Variants in ABCC4 observed in about 807,000 individuals in gnomAD.
ABCC4 encodes ATP-binding cassette sub-family C member 4.
ABCC4 carries 102 observed loss-of-function variants against 168.5 expected under a neutral mutation model. That is an observed-to-expected ratio of 0.61 (90% CI 0.52 to 0.71). The LOEUF is 0.71. Ranked by LOEUF, ABCC4 falls within the 30% of genes least tolerant of loss-of-function variation. ABCC4 has a pLI of 0.00. For missense variants in ABCC4, 1,402 were observed against 1,605.8 expected, an observed-to-expected ratio of 0.87 and a Z score of 2.17; for synonymous variants, 617 against 590.7, an observed-to-expected ratio of 1.04 and a Z score of -0.65.
In ABCC4 at chr13:95,247,661, A is replaced by C. The variant is rs1254069714; in HGVS notation, c.167T>G (p.Leu56Arg). ...SVLPEDRSQH[L>R]GEELQGFWDK... is the part of the protein sequence containing the mutation. ...GACTTACCCTTGCAACTCCTCTCCA[A>C]GGTGCTGTGAGCGGTCTTCTGGCAG... is the stretch of plus-strand genomic sequence containing the variant. Residue 56 changes from leucine to arginine, a missense_variant, in exon 2 of 31, where the codon CTT (leucine) becomes CGT (arginine). Around this residue, in one of 3 missense-constraint regions of ABCC4, gnomAD observed 317 missense variants for 345.5 expected, o/e 0.92. Coordinates refer to ENST00000645237, the MANE Select transcript of ABCC4 (RefSeq NM_005845.5). 1.9e-6 allele frequency: 3 copies of C among 1,613,784 alleles called. No homozygotes were observed. The highest frequency in any genetic ancestry group is 2.5e-6 in the Non-Finnish European group (3 of 1,179,818).
At chr13:95,038,790 C>A (rs1430779809) in intron 29 of ABCC4, among the ~76,000 whole-genome samples, 1 of 152,146 alleles carries the variant, frequency 6.6e-6, no homozygotes, top group African/African-American at 2.4e-5. Context: ...GGTGACTGAC[C>A]AGTGGTGCAG....
chr13:95,029,730 C>A lies in ABCC4; in HGVS notation c.3870+4875G>T, dbSNP rs567653062. Among the ~76,000 whole-genome samples, 10 of 152,262 alleles carry A rather than the reference C, an allele frequency of 6.6e-5. No homozygotes were observed. The South Asian group carries it at 2.1e-3, about 32-fold the overall frequency. On this transcript the variant is annotated intron_variant, in intron 30 of 30. Coordinates refer to ENST00000645237, the MANE Select transcript of ABCC4 (RefSeq NM_005845.5). The stretch of plus-strand genomic sequence containing the variant: ...TTAAAAAAGTACTGAGCTTTTATAA[C>A]CAATAGCTAGAATTCGCTTATATTT...
chr13:95,193,259 C>T (rs182270247), intron 9 of ABCC4, among the ~76,000 whole-genome samples: 1 of 152,242 alleles, frequency 6.6e-6, no homozygotes, highest in Admixed American at 6.5e-5. Context: ...CAGCAAACTA[C>T]GCTACAACGC....
In ABCC4 at chr13:95,071,762, T is replaced by C. The variant is rs1351498759; in HGVS notation, c.3110A>G (p.His1037Arg). ...ATTGTCAAAGATTATCACTCCTTCA[T>C]GGGGCCAGGCTGGTGGTGGGCGTTT... ...YQKRPPPAWP[H>R]EGVIIFDNVN... Residue 1037 changes from histidine (H) to arginine (R), a missense_variant, in exon 25 of 31, where the codon CAT becomes CGT. Around this residue, in one of 3 missense-constraint regions of ABCC4, gnomAD observed 1,007 missense variants for 1,127.3 expected, o/e 0.89. Transcript: ENST00000645237. 1.2e-5 allele frequency: 19 copies of C among 1,608,010 alleles called. No individual in the cohort carries two copies. The highest frequency in any genetic ancestry group is 1.7e-5 in the Admixed American group (1 of 59,180).
In ABCC4 at chr13:95,301,378, C is replaced by G; in HGVS notation, c.-64G>C. On this transcript the variant is annotated 5_prime_UTR_variant, in exon 1 of 31. Coordinates refer to ENST00000645237, the MANE Select transcript of ABCC4 (RefSeq NM_005845.5). ...ATCAGGCGGCGGTGGCCGCGGGCTC[C>G]GCTCCTGGACCTCAAGCAGGGATGC... The G allele has an allele frequency of 2.1e-6, 3 of 1,422,738 alleles. No individual in the cohort carries two copies. The highest frequency in any genetic ancestry group is 2.8e-6 in the Non-Finnish European group (3 of 1,053,946). 88.1% of individuals were successfully genotyped at this position (1,422,738 alleles called of 1,614,324 possible). A position where few individuals can be genotyped will look rare whatever the true frequency, so the allele number is the denominator to read the frequency against.
At chr13:95,248,626 GCA>G (rs935550764) in intron 1 of ABCC4, among the ~76,000 whole-genome samples, 3 of 151,612 alleles carry the variant, frequency 2.0e-5, no homozygotes, top group African/African-American at 7.2e-5. Context: ...TAATTAACAT[GCA>G]CCAGGCATAG....
At chr13:95,273,801 T>G (rs1203553161) in intron 1 of ABCC4, among the ~76,000 whole-genome samples, 3 of 80,038 alleles carry the variant, frequency 3.7e-5, no homozygotes, top group African/African-American at 3.4e-4. Context: ...ATCTGATGGG[T>G]TTTTTTTTTG....
intron 25 of ABCC4, among the ~76,000 whole-genome samples, chr13:95,065,696 G>C (rs1298992465): frequency 2.0e-5 from 3 of 152,152 alleles, no homozygotes; most frequent in Non-Finnish European, 4.4e-5. Context: ...TGGAATTGCT[G>C]AGGAACAGGT....
chr13:95,083,805 G>A (rs1215703732), intron 20 of ABCC4, among the ~76,000 whole-genome samples: 3 of 151,616 alleles, frequency 2.0e-5, no homozygotes, highest in Non-Finnish European at 2.9e-5. Flanking sequence ...TTATGAGCGT[G>A]AGCCACCACA....
chr13:95,035,305 T>C lies in ABCC4; in HGVS notation c.3736-566A>G, dbSNP rs2032074357. ...TCAGCTGCCAAGAGGGGCTAAACTCTGGATGGTGAGGTTAAGGTGCATTCT... is the reference window on the plus strand; with the variant it reads ...TCAGCTGCCAAGAGGGGCTAAACTCCGGATGGTGAGGTTAAGGTGCATTCT... On this transcript the variant is annotated intron_variant, in intron 29 of 30. Coordinates refer to ENST00000645237, the MANE Select transcript of ABCC4 (RefSeq NM_005845.5). Among the ~76,000 whole-genome samples the C allele has an allele frequency of 2.0e-5, 3 of 152,212 alleles. No homozygotes were observed. The South Asian group carries it at 6.2e-4, about 31-fold the overall frequency.
At chr13:95,243,279 G>C (rs4148451) in intron 3 of ABCC4, among the ~76,000 whole-genome samples, 81,085 of 152,034 alleles carry the variant, frequency 0.53, 22,258 homozygotes, top group African/African-American at 0.66. Flanking sequence ...ACTCATCTGG[G>C]GTCTTCATCC....
At chr13:95,141,952 TC>T (rs1251669128) in intron 19 of ABCC4, among the ~76,000 whole-genome samples, 1 of 152,164 alleles carries the variant, frequency 6.6e-6, no homozygotes, top group African/African-American at 2.4e-5. Context: ...AAACTGGTTT[TC>T]CCTGAAGCAA....
At chr13:95,096,176 A>T in intron 20 of ABCC4, 2 of 641,210 alleles carry the variant, frequency 3.1e-6, no homozygotes, top group Non-Finnish European at 5.6e-6. Context: ...GCGAGATCCC[A>T]TCTCTATGAA....
At chr13:95,207,335 A>G (rs1216252374) in intron 7 of ABCC4, among the ~76,000 whole-genome samples, 1 of 152,164 alleles carries the variant, frequency 6.6e-6, no homozygotes, top group Non-Finnish European at 1.5e-5. Flanking sequence ...GCCCCCTCCA[A>G]AATTTCTAAT....
At chr13:95,157,088 C>CCACACACA (rs67671921) in intron 19 of ABCC4, among the ~76,000 whole-genome samples, 4,309 of 134,610 alleles carry the variant, frequency 0.032, 147 homozygotes, top group African/African-American at 0.078. Context: ...TGAGACTCTA[C>CCACACACA]CACACACACA....
chr13:95,208,672 G>A (rs1005787239), intron 6 of ABCC4, among the ~76,000 whole-genome samples: 1 of 129,074 alleles, frequency 7.7e-6, no homozygotes, highest in Non-Finnish European at 1.5e-5. Context: ...CCAGGCTGGA[G>A]TGCAGTGGCA....
chr13:95,159,438 G>C (rs1427526826), intron 19 of ABCC4, among the ~76,000 whole-genome samples: 1 of 151,670 alleles, frequency 6.6e-6, no homozygotes, highest in African/African-American at 2.4e-5. Flanking sequence ...TAAACACTCA[G>C]GTGCTGCTGT....
chr13:95,178,456 A>C (rs1321262936), intron 11 of ABCC4, among the ~76,000 whole-genome samples: 1 of 152,208 alleles, frequency 6.6e-6, no homozygotes, highest in Non-Finnish European at 1.5e-5. Flanking sequence ...GATAAGTGCT[A>C]AGAAGGAGAA....
At chr13:95,247,918 G>GCACACACACACACACA (rs34133084) in intron 1 of ABCC4, among the ~76,000 whole-genome samples, 165 bp from the exon 2 acceptor site, 20,883 of 142,440 alleles carry the variant, frequency 0.15, 1,958 homozygotes, top group East Asian at 0.38. Flanking sequence ...GTTAACATGT[G>GCACACACACACACACA]CACACACACA....
Sources: gnomAD v4.1 joint callset for allele counts (sites outside exome capture counted in the v4.1 genomes callset) on GRCh38, gnomAD v4.1.1 for gene constraint, gnomAD v4.1.1 regional missense constraint, MANE v1.5 for transcripts, NCBI Gene and HGNC (gene_info 2026-07-23, HGNC 2026-07-21) for gene names.